The following MEI4 variants were observed in gnomAD, a reference collection of about 807,000 sequenced individuals.
MEI4 encodes the protein meiosis-specific protein MEI4.
In MEI4, 27 loss-of-function variants were observed where a neutral mutation model predicts 31.4. The observed-to-expected ratio is 0.86, with a 90% CI of 0.63 to 1.19. MEI4 has a LOEUF of 1.19. Ranked by LOEUF, MEI4 falls within the 50% of genes most tolerant of loss-of-function variation. The probability of loss-of-function intolerance (pLI) is 0.00; values close to 1 mark genes in which losing one functional copy is unlikely to be tolerated. For missense variants in MEI4, 329 were observed against 398.9 expected, an observed-to-expected ratio of 0.82 and a Z score of 1.49; for synonymous variants, 122 against 145.4, an observed-to-expected ratio of 0.84 and a Z score of 1.16.
intron 3 of MEI4, among the ~76,000 whole-genome samples, chr6:77,817,583 C>T (rs993493664): frequency 2.6e-5 from 4 of 152,176 alleles, no homozygotes; most frequent in African/African-American, 9.6e-5. Context: ...CCTTTATAGA[C>T]TTTAAAACCT....
At chr6:77,762,544 G>A (rs957539929) in intron 3 of MEI4, among the ~76,000 whole-genome samples, 5 of 152,094 alleles carry the variant, frequency 3.3e-5, no homozygotes, top group African/African-American at 7.2e-5. Context: ...TTCATTGTAG[G>A]AAAAAGGTTA....
intron 4 of MEI4, among the ~76,000 whole-genome samples, chr6:77,867,767 C>T (rs1287235324): frequency 1.3e-5 from 2 of 152,100 alleles, no homozygotes; most frequent in African/African-American, 2.4e-5. Context: ...CACATGCACA[C>T]GTGTGTTTAT....
rs547939185 is a variant in MEI4 at position 77,924,811 on chromosome 6, A to G, written c.*1465A>G. On this transcript the variant is annotated 3_prime_UTR_variant, in exon 5 of 5. Coordinates refer to ENST00000684080, the MANE Select transcript of MEI4 (RefSeq NM_001322247.2). ...CAAAGTACATCAAATGGTCAAGCCC[A>G]AAGAAAAGTGACTGACAGGGGAGTA... 21 of 152,020 alleles carry G rather than the reference A, an allele frequency of 1.4e-4. No homozygotes were observed. Among genetic ancestry groups the G allele is most frequent in the Admixed American group, 1.1e-3 (17 of 15,196 alleles). 9.4% of individuals were successfully genotyped at this position (152,020 alleles called of 1,614,324 possible).
intron 2 of MEI4, among the ~76,000 whole-genome samples, chr6:77,729,351 C>T (rs1766912601): frequency 6.6e-6 from 1 of 152,162 alleles, no homozygotes; most frequent in South Asian, 2.1e-4. Flanking sequence ...CAACGTTAGG[C>T]ATAAATGGGT....
intron 4 of MEI4, among the ~76,000 whole-genome samples, chr6:77,867,011 G>T (rs1206012329): frequency 6.6e-6 from 1 of 152,194 alleles, no homozygotes; most frequent in African/African-American, 2.4e-5. Context: ...GGGAACACTG[G>T]CTAGCCATAT....
rs1305400840 is a variant in MEI4 at position 77,854,810 on chromosome 6, A to T, written c.900+25748A>T. On this transcript the variant is annotated intron_variant, in intron 4 of 4. Coordinates refer to ENST00000684080, the MANE Select transcript of MEI4 (RefSeq NM_001322247.2). Reference sequence around the variant, plus strand: ...ACTTATATTATCTCATTAAACCTCAAAGCAACCGTCTGGTATAGGTATCAT... The same window carrying T: ...ACTTATATTATCTCATTAAACCTCATAGCAACCGTCTGGTATAGGTATCAT... Among the ~76,000 whole-genome samples the T allele has an allele frequency of 2.6e-5, 4 of 152,074 alleles. No homozygotes were observed. In the East Asian group the frequency reaches 7.7e-4, roughly 29 times the overall value.
intron 3 of MEI4, among the ~76,000 whole-genome samples, chr6:77,822,013 C>A (rs2127708877): frequency 6.6e-6 from 1 of 152,182 alleles, no homozygotes; most frequent in Non-Finnish European, 1.5e-5. Flanking sequence ...GCCAGCAGAG[C>A]AACCCCAGCT....
At chr6:77,843,024 T>G (rs1260912611) in intron 4 of MEI4, among the ~76,000 whole-genome samples, 1 of 151,378 alleles carries the variant, frequency 6.6e-6, no homozygotes, top group African/African-American at 2.4e-5. Context: ...TTATATATAA[T>G]CTATTCCAAA....
upstream of MEI4, among the ~76,000 whole-genome samples, chr6:77,650,309 G>C (rs756192304): frequency 6.6e-6 from 1 of 152,198 alleles, no homozygotes; most frequent in Non-Finnish European, 1.5e-5. Context: ...TGGAGCACTC[G>C]TCTCCTCCTC....
In MEI4 at chr6:77,732,640, C is replaced by G. The variant is rs139604662; in HGVS notation, c.233-28490C>G. Among the ~76,000 whole-genome samples the G allele has an allele frequency of 3.4e-3, 511 of 151,992 alleles. 6 individuals are homozygous for G. Among genetic ancestry groups the G allele is most frequent in the African/African-American group, 0.012 (498 of 41,380 alleles). On this transcript the variant is annotated intron_variant, in intron 2 of 4. Transcript: ENST00000684080. Reference sequence around the variant, plus strand: ...TTATTTCCTTCTCCTGCCTAATTGCCCTGGCCAAGACTTCCAACACTATGT... The same window carrying G: ...TTATTTCCTTCTCCTGCCTAATTGCGCTGGCCAAGACTTCCAACACTATGT...
At chr6:77,762,760 G>T (rs1333842051) in intron 3 of MEI4, among the ~76,000 whole-genome samples, 1 of 152,060 alleles carries the variant, frequency 6.6e-6, no homozygotes, top group Non-Finnish European at 1.5e-5. Flanking sequence ...TAAAAACTTT[G>T]TGAGTAAGCT....
chr6:77,678,969 A>C (rs1768900493), intron 1 of MEI4, among the ~76,000 whole-genome samples: 2 of 152,216 alleles, frequency 1.3e-5, no homozygotes, highest in Admixed American at 6.5e-5. Flanking sequence ...CAAAAGTTTA[A>C]AATAGGAAAA....
At chr6:77,692,318 T>G (rs1445218990) in intron 2 of MEI4, among the ~76,000 whole-genome samples, 1 of 149,528 alleles carries the variant, frequency 6.7e-6, no homozygotes, top group Non-Finnish European at 1.5e-5. Context: ...TTTGTTTATT[T>G]ACTTGGTTGC....
At chr6:77,669,567 A>G (rs546649247) in intron 1 of MEI4, among the ~76,000 whole-genome samples, 2 of 148,988 alleles carry the variant, frequency 1.3e-5, no homozygotes, top group Admixed American at 1.3e-4. Flanking sequence ...TCAGTTTTGG[A>G]TACTGAACTA....
chr6:77,736,943 A>C (rs1304138524), intron 2 of MEI4, among the ~76,000 whole-genome samples: 2 of 151,132 alleles, frequency 1.3e-5, no homozygotes, highest in African/African-American at 4.9e-5. Context: ...ATTTCAAACA[A>C]GTGGGAACAA....
intron 3 of MEI4, among the ~76,000 whole-genome samples, 187 bp downstream of exon 3, chr6:77,761,852 A>G (rs1768053929): frequency 6.6e-6 from 1 of 152,172 alleles, no homozygotes; most frequent in Non-Finnish European, 1.5e-5. Flanking sequence ...TTGCTACAGC[A>G]TAGTTTTCTG....
intron 2 of MEI4, among the ~76,000 whole-genome samples, chr6:77,707,045 G>A (rs1766348081): frequency 6.6e-6 from 1 of 151,874 alleles, no homozygotes; most frequent in African/African-American, 2.4e-5. Flanking sequence ...TTGAAAGTGG[G>A]CAATGGGCAG....
intron 3 of MEI4, among the ~76,000 whole-genome samples, chr6:77,801,178 T>G (rs1043249329): frequency 6.6e-6 from 1 of 152,204 alleles, no homozygotes; most frequent in Non-Finnish European, 1.5e-5. Flanking sequence ...GAGCCTGTTT[T>G]TGGTCTATTC....
In MEI4 at chr6:77,761,248, G is replaced by A. The variant is rs1582113903; in HGVS notation, c.351G>A (p.Leu117=). The part of the protein sequence containing the change: ...SNEQRTESSD[L]SQHFVESCTP... ...AGCAGAGAACTGAATCCTCAGACCT[G>A]TCCCAGCACTTTGTGGAAAGCTGTA... The change falls in exon 3 of 5, where the codon CTG becomes CTA. Residue 117 remains leucine (L), a synonymous_variant. Transcript: ENST00000684080. 4.9e-6 allele frequency: 6 copies of A among 1,232,530 alleles called. No homozygotes were observed. In the East Asian group the frequency reaches 1.9e-4, roughly 39 times the overall value. The allele number at this position is 1,232,530 out of a possible 1,614,324, so 76.3% of individuals were successfully genotyped here.
Sources: gnomAD v4.1 joint callset for allele counts (sites outside exome capture counted in the v4.1 genomes callset) on GRCh38, gnomAD v4.1.1 for gene constraint, MANE v1.5 for transcripts, NCBI Gene and HGNC (gene_info 2026-07-23, HGNC 2026-07-21) for gene names.